Variants in CBFA2T2 observed in about 807,000 individuals in gnomAD.
CBFA2T2 encodes the protein protein CBFA2T2.
Under a neutral mutation model 62.2 loss-of-function variants are expected in CBFA2T2, and 11 were observed. That is an observed-to-expected ratio of 0.18 (90% CI 0.11 to 0.29). The LOEUF is 0.29. CBFA2T2 is among the 10% of genes least tolerant of loss of function. The pLI, the probability that CBFA2T2 is intolerant of heterozygous loss-of-function variation, is 1.00. For synonymous variants in CBFA2T2, 295 were observed against 287.5 expected, an observed-to-expected ratio of 1.03 and a Z score of -0.27; for missense variants, 592 against 774.1, an observed-to-expected ratio of 0.76 and a Z score of 2.79.
intron 1 of CBFA2T2, among the ~76,000 whole-genome samples, chr20:33,555,812 A>G (rs1475003452): frequency 6.6e-6 from 1 of 152,142 alleles, no homozygotes; most frequent in East Asian, 1.9e-4. Flanking sequence ...GTCATCACAC[A>G]CTGAATTTAA....
chr20:33,600,155 G>A (rs947803123), intron 1 of CBFA2T2, among the ~76,000 whole-genome samples: 1 of 138,456 alleles, frequency 7.2e-6, no homozygotes, highest in Non-Finnish European at 1.5e-5. Context: ...TCCATCTTTA[G>A]CAAGTTAGAA....
chr20:33,598,436 TC>T (rs2014981955), intron 1 of CBFA2T2, among the ~76,000 whole-genome samples: 1 of 152,308 alleles, frequency 6.6e-6, no homozygotes, highest in African/African-American at 2.4e-5. Context: ...GTGATATTTC[TC>T]CCATTTGCTT....
At chr20:33,538,139 CAGT>C (rs1032967867) in intron 1 of CBFA2T2, among the ~76,000 whole-genome samples, 53 of 152,114 alleles carry the variant, frequency 3.5e-4, no homozygotes, top group African/African-American at 1.2e-3. Context: ...TAATGTTTCT[CAGT>C]AGTATTTTTG....
chr20:33,532,904 C>T (rs576838391), intron 1 of CBFA2T2, among the ~76,000 whole-genome samples: 7 of 152,302 alleles, frequency 4.6e-5, no homozygotes, highest in African/African-American at 1.7e-4. Context: ...GGAGTGATTC[C>T]TCTCTGTGTT....
intron 1 of CBFA2T2, among the ~76,000 whole-genome samples, chr20:33,542,091 A>AT (rs1444006429): frequency 6.6e-6 from 1 of 152,172 alleles, no homozygotes; most frequent in Non-Finnish European, 1.5e-5. Flanking sequence ...AGAACTTATT[A>AT]AAGTTTGGAT....
chr20:33,554,810 G>A (rs2012849562), intron 1 of CBFA2T2, among the ~76,000 whole-genome samples: 1 of 151,670 alleles, frequency 6.6e-6, no homozygotes, highest in African/African-American at 2.4e-5. Flanking sequence ...AAACTCAGAT[G>A]TCTGCATCTC....
intron 1 of CBFA2T2, among the ~76,000 whole-genome samples, chr20:33,521,881 GT>G (rs1379502250): frequency 1.3e-5 from 2 of 151,780 alleles, no homozygotes; most frequent in Non-Finnish European, 2.9e-5. Flanking sequence ...TAATTTAAGG[GT>G]TTTTTGTTTG....
intron 1 of CBFA2T2, among the ~76,000 whole-genome samples, chr20:33,548,898 G>A (rs2012653497): frequency 6.6e-6 from 1 of 152,186 alleles, no homozygotes; most frequent in African/African-American, 2.4e-5. Flanking sequence ...TGAGGTTGCA[G>A]TGAGCTATGA....
intron 1 of CBFA2T2, chr20:33,600,483 C>T (rs374034337): frequency 9.7e-6 from 4 of 413,842 alleles, no homozygotes; most frequent in Non-Finnish European, 1.4e-5. Context: ...CCACTGCACC[C>T]GGCCTGGAAA....
intron 1 of CBFA2T2, among the ~76,000 whole-genome samples, chr20:33,590,564 T>C (rs1242836529): frequency 6.6e-6 from 1 of 152,170 alleles, no homozygotes; most frequent in African/African-American, 2.4e-5. Flanking sequence ...CAACTGATGG[T>C]GAGTGCCAAG....
chr20:33,528,800 A>G (rs2011961036), intron 1 of CBFA2T2, among the ~76,000 whole-genome samples: 1 of 152,052 alleles, frequency 6.6e-6, no homozygotes, highest in African/African-American at 2.4e-5. Context: ...TTGGCCTCCA[A>G]AGTGTTGGGA....
At chr20:33,568,451 T>C (rs979066788) in intron 1 of CBFA2T2, among the ~76,000 whole-genome samples, 2 of 152,190 alleles carry the variant, frequency 1.3e-5, no homozygotes, top group African/African-American at 4.8e-5. Context: ...AACCTGTTGC[T>C]GTGTGGCAAG....
At chr20:33,570,872 C>T (rs964099419) in intron 1 of CBFA2T2, among the ~76,000 whole-genome samples, 10 of 152,206 alleles carry the variant, frequency 6.6e-5, no homozygotes, top group African/African-American at 1.9e-4. Context: ...TTTTCTTGCA[C>T]TGTGAATGTG....
chr20:33,564,331 C>G (rs1176239648), intron 1 of CBFA2T2, among the ~76,000 whole-genome samples: 5 of 150,290 alleles, frequency 3.3e-5, no homozygotes, highest in Non-Finnish European at 5.9e-5. Flanking sequence ...GGCGCGGTCT[C>G]GGCTCACTGC....
At chr20:33,631,553 C>T (rs1326558454) in intron 8 of CBFA2T2, among the ~76,000 whole-genome samples, 1 of 152,226 alleles carries the variant, frequency 6.6e-6, no homozygotes, top group Non-Finnish European at 1.5e-5. Flanking sequence ...AGCCAAGATA[C>T]AGCTCTTGCT....
rs1402197333 is a variant in CBFA2T2 at position 33,645,195 on chromosome 20, GATAAGATCT to G, written c.*550_*558del. ...CTTCTCAACCCTGCTGTTCAGACTT[GATAAGATCT>G]CAGAGTCCACAGGAAAGAAGTCACT... On this transcript the variant is annotated 3_prime_UTR_variant, in exon 11 of 11. Coordinates refer to ENST00000342704, the MANE Select transcript of CBFA2T2 (RefSeq NM_001032999.3). The G allele has an allele frequency of 6.5e-6, 1 of 152,712 alleles. No homozygotes were observed. The highest frequency in any genetic ancestry group is 1.5e-5 in the Non-Finnish European group (1 of 68,398). The allele number at this position is 152,712 out of a possible 1,614,324, so 9.5% of individuals were successfully genotyped here.
intron 4 of CBFA2T2, among the ~76,000 whole-genome samples, chr20:33,620,960 T>G (rs2015937366): frequency 6.6e-6 from 1 of 152,254 alleles, no homozygotes. Flanking sequence ...CCCACTAATG[T>G]CTTTTACAAC....
intron 1 of CBFA2T2, among the ~76,000 whole-genome samples, chr20:33,527,201 TTTTG>T (rs958285033): frequency 2.6e-5 from 4 of 152,048 alleles, no homozygotes; most frequent in African/African-American, 4.8e-5. Context: ...GTGTGTGTAT[TTTTG>T]TTTGTTTGTT....
rs2017053467 is a variant in CBFA2T2 at position 33,646,540 on chromosome 20, A to G, written c.*1894A>G. 6.6e-6 allele frequency: 1 copy of G among 152,242 alleles called. No homozygotes were observed. 9.4% of individuals were successfully genotyped at this position (152,242 alleles called of 1,614,324 possible). Reference sequence around the variant, plus strand: ...CACACAGGTAGCCTTCTCCTTGGATACAGGTACATCTTACTGTAAGAATTT... The same window carrying G: ...CACACAGGTAGCCTTCTCCTTGGATGCAGGTACATCTTACTGTAAGAATTT... On this transcript the variant is annotated 3_prime_UTR_variant, in exon 11 of 11. Coordinates refer to ENST00000342704, the MANE Select transcript of CBFA2T2 (RefSeq NM_001032999.3).
Sources: allele counts gnomAD v4.1 joint callset (sites outside exome capture counted in the v4.1 genomes callset), GRCh38; gene constraint gnomAD v4.1.1; transcripts MANE v1.5; gene names NCBI Gene and HGNC (gene_info 2026-07-23, HGNC 2026-07-21).